Variants in HECW1 observed in about 807,000 individuals in gnomAD.
HECW1 encodes the protein HECT, C2 and WW domain containing E3 ubiquitin protein ligase 1, also known as E3 ubiquitin-protein ligase HECW1.
In HECW1, 61 loss-of-function variants were observed where a neutral mutation model predicts 182.3. The ratio of observed to expected loss-of-function variants is 0.33; its 90% CI spans 0.27 to 0.41. HECW1 has a LOEUF of 0.41. Among genes scored for constraint, HECW1 ranks in the 10% least tolerant of loss-of-function variants. HECW1 has a pLI of 1.00. For synonymous variants in HECW1, 859 were observed against 832.6 expected (o/e 1.03, Z -0.55); for missense variants, 1,739 against 2,108.9 (o/e 0.82, Z 3.44).
At chr7:43,336,642 C>A (rs545012911) in intron 5 of HECW1, among the ~76,000 whole-genome samples, 2 of 151,960 alleles carry the variant, frequency 1.3e-5, no homozygotes, top group Admixed American at 6.6e-5. Flanking sequence ...TCTAATCTAC[C>A]CATCACCCAA....
rs114777912 is a variant in HECW1, at chr7:43,316,100, A to C, written c.352+4013A>C. ...AAGACAAATCCAGAGAAAATATATT[A>C]CTTGTTTCTTAGGTATGTCTGTTTC... On this transcript the variant is annotated intron_variant, in intron 4 of 29. Coordinates refer to ENST00000395891, the MANE Select transcript of HECW1 (RefSeq NM_015052.5). 6.9e-3 allele frequency among the ~76,000 whole-genome samples: 1,054 copies of C among 152,196 alleles called. 10 individuals carry two copies. Among genetic ancestry groups the C allele is most frequent in the African/African-American group, 0.025 (1,019 of 41,540 alleles).
intron 3 of HECW1, among the ~76,000 whole-genome samples, chr7:43,256,310 A>G (rs530414483): frequency 6.6e-6 from 1 of 152,334 alleles, no homozygotes; most frequent in South Asian, 2.1e-4. Context: ...AAGTAAAAAC[A>G]TAGTAAAGAT....
chr7:43,217,869 C>A (rs1192572856), intron 2 of HECW1, among the ~76,000 whole-genome samples: 4 of 152,162 alleles, frequency 2.6e-5, no homozygotes, highest in African/African-American at 9.7e-5. Context: ...CTTTTGGTGC[C>A]ATGTCCATCT....
intron 2 of HECW1, among the ~76,000 whole-genome samples, chr7:43,155,871 G>A (rs1274890464): frequency 4.6e-5 from 7 of 152,206 alleles, no homozygotes; most frequent in Non-Finnish European, 7.3e-5. Context: ...CAGCAGATTC[G>A]TGAATGAACA....
At chr7:43,474,781 C>G (rs912683757) in intron 16 of HECW1, among the ~76,000 whole-genome samples, 1 of 152,032 alleles carries the variant, frequency 6.6e-6, no homozygotes, top group African/African-American at 2.4e-5. Flanking sequence ...GTGGTATATA[C>G]CTGCAATGAA....
At chr7:43,378,278 G>A (rs1223066934) in intron 6 of HECW1, among the ~76,000 whole-genome samples, 1 of 152,212 alleles carries the variant, frequency 6.6e-6, no homozygotes, top group Non-Finnish European at 1.5e-5. Flanking sequence ...GCAAATATGA[G>A]GTGATTTTGC....
intron 8 of HECW1, among the ~76,000 whole-genome samples, chr7:43,434,179 A>G (rs1303861846): frequency 1.3e-5 from 2 of 152,260 alleles, no homozygotes; most frequent in Non-Finnish European, 2.9e-5. Context: ...AGCATTTGAA[A>G]TAGGCCTACA....
chr7:43,355,297 A>T lies in HECW1; in HGVS notation c.461-5589A>T, dbSNP rs60045392. On this transcript the variant is annotated intron_variant, in intron 5 of 29. Coordinates refer to ENST00000395891, the MANE Select transcript of HECW1 (RefSeq NM_015052.5). ...CAAACCCAGGATACTCTAATACTGT[A>T]ATTGTGGTGTGCAATCTATTCATAT... is the stretch of plus-strand genomic sequence containing the variant. 5.9e-3 allele frequency among the ~76,000 whole-genome samples: 903 copies of T among 152,336 alleles called. 5 individuals are homozygous for T. The highest frequency in any genetic ancestry group is 0.031 in the Middle Eastern group (9 of 294).
In HECW1 at chr7:43,181,086, G is replaced by A. The variant is rs1792820556; in HGVS notation, c.-31-62789G>A. ...ACTTTTTAAGATTCCACATATGAGGGAGTTCATGTGGTATTTGTCTTTCTG... is the reference window on the plus strand; with the variant it reads ...ACTTTTTAAGATTCCACATATGAGGAAGTTCATGTGGTATTTGTCTTTCTG... On this transcript the variant is annotated intron_variant, in intron 2 of 29. Coordinates refer to ENST00000395891, the MANE Select transcript of HECW1 (RefSeq NM_015052.5). 2.8e-5 allele frequency among the ~76,000 whole-genome samples: 4 copies of A among 144,164 alleles called. No homozygotes were observed. The South Asian group carries it at 8.3e-4, about 30-fold the overall frequency. 94.6% of individuals were successfully genotyped at this position (144,164 alleles called of 152,430 possible).
chr7:43,237,856 G>T lies in HECW1; in HGVS notation c.-31-6019G>T, dbSNP rs187616000. Among the ~76,000 whole-genome samples the T allele has an allele frequency of 3.3e-5, 5 of 151,132 alleles. No individual in the cohort carries two copies. In the East Asian group the frequency reaches 7.8e-4, roughly 23 times the overall value. Reference sequence around the variant, plus strand: ...TTCCCCCCCGCCGCCCCCACTTGGAGCCTGCAAAAGCGCTGAGTAGGACTT... The same window carrying T: ...TTCCCCCCCGCCGCCCCCACTTGGATCCTGCAAAAGCGCTGAGTAGGACTT... On this transcript the variant is annotated intron_variant, in intron 2 of 29. Coordinates refer to ENST00000395891, the MANE Select transcript of HECW1 (RefSeq NM_015052.5).
At chr7:43,522,467 A>G (rs1390068688) in intron 24 of HECW1, 11 of 152,328 alleles carry the variant, frequency 7.2e-5, no homozygotes, top group Non-Finnish European at 1.6e-4. Flanking sequence ...GATAGAAGCC[A>G]CACCTCTGTC....
chr7:43,561,840 G>C lies in HECW1; in HGVS notation c.4735G>C (p.Asp1579His), dbSNP rs1419667688. The C allele has an allele frequency of 6.2e-7, 1 of 1,613,724 alleles. No homozygotes were observed. The highest frequency in any genetic ancestry group is 1.3e-5 in the African/African-American group (1 of 74,898). ...GGCACACACATGCTTCAACCGACTG[G>C]ATCTTCCACCGTATCCCTCGTACTC... is the stretch of plus-strand genomic sequence containing the variant. ...PRAHTCFNRLDLPPYPSYSML... is the reference protein window; with the variant it reads ...PRAHTCFNRLHLPPYPSYSML... Residue 1579 changes from aspartate (D) to histidine (H), a missense_variant, in exon 30 of 30, where the codon GAT (aspartate) becomes CAT (histidine). This residue lies in a region of HECW1 where 420 missense variants were observed against 595.7 expected (regional missense o/e 0.71). Coordinates refer to ENST00000395891, the MANE Select transcript of HECW1 (RefSeq NM_015052.5).
At chr7:43,489,237 G>A (rs942960329) in intron 17 of HECW1, among the ~76,000 whole-genome samples, 20 of 152,122 alleles carry the variant, frequency 1.3e-4, no homozygotes, top group African/African-American at 4.6e-4. Context: ...CCTTCAGCTG[G>A]TGGGTCTCTG....
intron 5 of HECW1, among the ~76,000 whole-genome samples, chr7:43,332,946 A>G (rs1230018273): frequency 6.6e-6 from 1 of 152,188 alleles, no homozygotes; most frequent in East Asian, 1.9e-4. Flanking sequence ...TCCCATAGTC[A>G]CAGGTAACAA....
In HECW1 at chr7:43,400,285, A is replaced by T. The variant is rs1584771995; in HGVS notation, c.631+3396A>T. On this transcript the variant is annotated intron_variant, in intron 7 of 29. Transcript: ENST00000395891. ...AAATTCCATGCCTCAAAAAAAGACA[A>T]GACAGAAAGATCAGCAAAGCCCACA... Among the ~76,000 whole-genome samples, 4 of 152,286 alleles carry T rather than the reference A, an allele frequency of 2.6e-5. No individual in the cohort carries two copies. In the East Asian group the frequency reaches 7.7e-4, roughly 29 times the overall value.
At chr7:43,479,823 G>C in intron 17 of HECW1, 79 bp downstream of exon 17, 2 of 1,548,764 alleles carry the variant, frequency 1.3e-6, no homozygotes, top group South Asian at 2.3e-5. Flanking sequence ...CAGTTCTTCA[G>C]TGGCTAGGAT....
intron 2 of HECW1, among the ~76,000 whole-genome samples, chr7:43,120,313 G>A (rs936848506): frequency 6.6e-6 from 1 of 152,070 alleles, no homozygotes; most frequent in Non-Finnish European, 1.5e-5. Context: ...CACACCCTCA[G>A]AAAGGCTTAT....
At chr7:43,165,410 TTGTG>T (rs1791004020) in intron 2 of HECW1, among the ~76,000 whole-genome samples, 1 of 150,174 alleles carries the variant, frequency 6.7e-6, no homozygotes, top group South Asian at 2.1e-4. Flanking sequence ...GGGGGGGTGT[TTGTG>T]TGTGTGCACA....
intron 3 of HECW1, among the ~76,000 whole-genome samples, chr7:43,301,830 G>C (rs990870339): frequency 6.7e-5 from 10 of 149,686 alleles, no homozygotes; most frequent in African/African-American, 2.5e-4. Context: ...AGCTGGGATC[G>C]CACCATTTCC....
Sources: allele counts gnomAD v4.1 joint callset (sites outside exome capture counted in the v4.1 genomes callset), GRCh38; gene constraint gnomAD v4.1.1; regional missense constraint gnomAD v4.1.1; transcripts MANE v1.5; gene names NCBI Gene and HGNC (gene_info 2026-07-23, HGNC 2026-07-21).